The following RERG variants were observed in gnomAD, a reference collection of about 807,000 sequenced individuals.
RERG encodes the protein RAS like estrogen regulated growth inhibitor.
Under a neutral mutation model 23.2 loss-of-function variants are expected in RERG, and 25 were observed. The ratio of observed to expected loss-of-function variants is 1.08; its 90% CI spans 0.79 to 1.50. The LOEUF (loss-of-function observed/expected upper bound fraction) is 1.50, where lower values mean the gene tolerates loss of function less well. Among genes scored for constraint, RERG ranks in the 40% most tolerant of loss-of-function variants. RERG has a pLI of 0.00. For missense variants in RERG, 253 were observed against 250.1 expected (o/e 1.01, Z -0.08); for synonymous variants, 81 against 89.1 (o/e 0.91, Z 0.51).
intron 2 of RERG, among the ~76,000 whole-genome samples, chr12:15,177,687 A>T (rs1386522761): frequency 6.6e-6 from 1 of 152,192 alleles, no homozygotes; most frequent in African/African-American, 2.4e-5. Flanking sequence ...TTGTTATCAA[A>T]CTTCTATCTT....
At chr12:15,141,549 A>G (rs986701206) in intron 2 of RERG, among the ~76,000 whole-genome samples, 3 of 152,052 alleles carry the variant, frequency 2.0e-5, no homozygotes, top group Non-Finnish European at 4.4e-5. Flanking sequence ...AATGTTGCCT[A>G]TTTTTAATAT....
chr12:15,204,610 AC>A (rs1331775250), intron 2 of RERG, among the ~76,000 whole-genome samples: 1 of 151,784 alleles, frequency 6.6e-6, no homozygotes, highest in African/African-American at 2.4e-5. Context: ...TCCACTTCTT[AC>A]CATAAAAATC....
At chr12:15,197,225 G>A (rs1017135436) in intron 2 of RERG, among the ~76,000 whole-genome samples, 1 of 152,182 alleles carries the variant, frequency 6.6e-6, no homozygotes, top group African/African-American at 2.4e-5. Context: ...AATCCAAGAA[G>A]TCTGACTATT....
rs562001733 is a variant in RERG at position 15,132,622 on chromosome 12, T to C, written c.62-11503A>G. Among the ~76,000 whole-genome samples the C allele has an allele frequency of 2.6e-5, 4 of 152,338 alleles. No individual in the cohort carries two copies. The South Asian group carries it at 8.3e-4, about 32-fold the overall frequency. On this transcript the variant is annotated intron_variant, in intron 2 of 4. Coordinates refer to ENST00000256953, the MANE Select transcript of RERG (RefSeq NM_032918.3). ...TTTGTAAGAAACTGCCAAACTGTTTTCCAAACTGGCTGTACCATTTTGCAT... is the reference window on the plus strand; with the variant it reads ...TTTGTAAGAAACTGCCAAACTGTTTCCCAAACTGGCTGTACCATTTTGCAT...
At chr12:15,142,703 A>AG (rs1170161626) in intron 2 of RERG, among the ~76,000 whole-genome samples, 9 of 152,020 alleles carry the variant, frequency 5.9e-5, no homozygotes, top group East Asian at 5.8e-4. Context: ...GAGAAGAGAG[A>AG]GGGGGGGTAG....
intron 2 of RERG, among the ~76,000 whole-genome samples, chr12:15,159,150 C>G (rs1864567411): frequency 6.6e-6 from 1 of 152,108 alleles, no homozygotes; most frequent in Non-Finnish European, 1.5e-5. Context: ...TTTTTATACA[C>G]TTACTGTTTA....
chr12:15,163,362 G>A (rs1201061107), intron 2 of RERG, among the ~76,000 whole-genome samples: 3 of 152,118 alleles, frequency 2.0e-5, no homozygotes, highest in African/African-American at 7.2e-5. Context: ...ATTTTCCAAT[G>A]AATATACAGA....
At chr12:15,179,345 T>G (rs1158051120) in intron 2 of RERG, among the ~76,000 whole-genome samples, 1 of 152,160 alleles carries the variant, frequency 6.6e-6, no homozygotes, top group Admixed American at 6.6e-5. Flanking sequence ...CCAATGCAGT[T>G]TGGAGAAAGT....
intron 2 of RERG, among the ~76,000 whole-genome samples, chr12:15,159,788 C>A (rs1864577970): frequency 6.6e-6 from 1 of 152,154 alleles, no homozygotes; most frequent in Non-Finnish European, 1.5e-5. Flanking sequence ...TGTGCCACTG[C>A]ACTCCAGCCT....
chr12:15,129,339 G>A (rs1042499904), intron 2 of RERG, among the ~76,000 whole-genome samples: 1 of 151,536 alleles, frequency 6.6e-6, no homozygotes, highest in African/African-American at 2.4e-5. Context: ...TAAAAAAGGG[G>A]GGCTCAGAGC....
intron 2 of RERG, among the ~76,000 whole-genome samples, chr12:15,188,079 G>C (rs1400151489): frequency 6.6e-6 from 1 of 152,086 alleles, no homozygotes; most frequent in African/African-American, 2.4e-5. Context: ...GTATCTTAAG[G>C]ATGAGAAATA....
At chr12:15,188,637 A>C (rs1422951680) in intron 2 of RERG, among the ~76,000 whole-genome samples, 1 of 152,242 alleles carries the variant, frequency 6.6e-6, no homozygotes, top group Non-Finnish European at 1.5e-5. Context: ...TAAAAAAATT[A>C]AGTGTATCTA....
intron 2 of RERG, among the ~76,000 whole-genome samples, chr12:15,156,301 T>C (rs1864521545): frequency 1.3e-5 from 2 of 152,194 alleles, no homozygotes; most frequent in Non-Finnish European, 2.9e-5. Flanking sequence ...TAAGGGTGCA[T>C]GAAAATGTAG....
chr12:15,219,791 ATC>A lies in RERG; in HGVS notation c.-115+1402_-115+1403del, dbSNP rs1402170577. Reference sequence around the variant, plus strand: ...ACATGGATATAAAATGCAAGTAATTATCTGTCTGATTAATGTTTCATGAAAGT... The same window carrying A: ...ACATGGATATAAAATGCAAGTAATTATGTCTGATTAATGTTTCATGAAAGT... On this transcript the variant is annotated intron_variant, in intron 1 of 4. Coordinates refer to ENST00000256953, the MANE Select transcript of RERG (RefSeq NM_032918.3). Among the ~76,000 whole-genome samples, 4 of 152,214 alleles carry A rather than the reference ATC, an allele frequency of 2.6e-5. No homozygotes were observed. In the East Asian group the frequency reaches 5.8e-4, roughly 22 times the overall value.
chr12:15,165,073 C>A (rs1323311546), intron 2 of RERG, among the ~76,000 whole-genome samples: 1 of 152,152 alleles, frequency 6.6e-6, no homozygotes, highest in African/African-American at 2.4e-5. Context: ...TACCAAAACC[C>A]AAATTGATTC....
At chr12:15,120,881 G>T (rs944335844) in intron 3 of RERG, among the ~76,000 whole-genome samples, 182 bp downstream of exon 3, 2 of 152,108 alleles carry the variant, frequency 1.3e-5, no homozygotes, top group African/African-American at 4.8e-5. Flanking sequence ...AATCCTGCAG[G>T]GTTCTAAGCA....
chr12:15,124,869 A>G (rs942232363), intron 2 of RERG, among the ~76,000 whole-genome samples: 3 of 151,966 alleles, frequency 2.0e-5, no homozygotes, highest in Non-Finnish European at 2.9e-5. Context: ...TTCTGCTCCA[A>G]TTAAAAGTGC....
intron 2 of RERG, among the ~76,000 whole-genome samples, chr12:15,163,289 T>A (rs1281135349): frequency 3.3e-5 from 5 of 152,210 alleles, no homozygotes; most frequent in African/African-American, 1.2e-4. Flanking sequence ...TTAAAATTGA[T>A]AACATCATTT....
rs189321551 is a variant in RERG, at chr12:15,119,915, G to C, written c.118+1148C>G. On this transcript the variant is annotated intron_variant, in intron 3 of 4. Coordinates refer to ENST00000256953, the MANE Select transcript of RERG (RefSeq NM_032918.3). ...CAAAATAATTCTGTAAAAAAGTAATGAGGAAAGATGTTCTCTACAAAGTAT... is the reference window on the plus strand; with the variant it reads ...CAAAATAATTCTGTAAAAAAGTAATCAGGAAAGATGTTCTCTACAAAGTAT... Among the ~76,000 whole-genome samples, 753 of 152,244 alleles carry C rather than the reference G, an allele frequency of 4.9e-3. 1 individual carries two copies. The highest frequency in any genetic ancestry group is 8.0e-3 in the Non-Finnish European group (542 of 68,004).
Sources: gnomAD v4.1 joint callset for allele counts (sites outside exome capture counted in the v4.1 genomes callset) on GRCh38, gnomAD v4.1.1 for gene constraint, MANE v1.5 for transcripts, NCBI Gene and HGNC (gene_info 2026-07-23, HGNC 2026-07-21) for gene names.